The following BRINP3 variants were observed in gnomAD, a reference collection of about 807,000 sequenced individuals.
BRINP3 encodes the protein BMP/retinoic acid-inducible neural-specific protein 3.
Under a neutral mutation model 71.0 loss-of-function variants are expected in BRINP3, and 19 were observed. The observed-to-expected ratio is 0.27, with a 90% CI of 0.19 to 0.39. The LOEUF is 0.39. Among genes scored for constraint, BRINP3 ranks in the 10% least tolerant of loss-of-function variants. The pLI, the probability that BRINP3 is intolerant of heterozygous loss-of-function variation, is 1.00. For missense variants in BRINP3, 959 were observed against 940.8 expected, an observed-to-expected ratio of 1.02 and a Z score of -0.25; for synonymous variants, 380 against 337.7, an observed-to-expected ratio of 1.13 and a Z score of -1.37.
Position 190,098,928 on chromosome 1 carries a change from T to A in BRINP3, c.1391A>T (p.Asn464Ile), listed in dbSNP as rs769195192. The change falls in exon 8 of 8, where the codon AAC becomes ATC. Residue 464 changes from asparagine to isoleucine, a missense_variant. Coordinates refer to ENST00000367462, the MANE Select transcript of BRINP3 (RefSeq NM_199051.3). ...CCCCTGGCTGAGCATGTAGCCGGTG[T>A]TGCAGGTGCCGCAGCGGGTGCGGTT... ...PDNRTRCGTC[N>I]TGYMLSQGLC... The A allele has an allele frequency of 7.7e-5, 124 of 1,614,044 alleles. No homozygotes were observed. The highest frequency in any genetic ancestry group is 1.0e-4 in the Non-Finnish European group (122 of 1,180,038).
At chr1:190,192,959 G>C (rs902871381) in intron 6 of BRINP3, among the ~76,000 whole-genome samples, 5 of 152,058 alleles carry the variant, frequency 3.3e-5, no homozygotes, top group Non-Finnish European at 5.9e-5. Context: ...TTTGGTGAGT[G>C]ATATAGTAAA....
intron 1 of BRINP3, among the ~76,000 whole-genome samples, chr1:190,462,586 A>G (rs1049780346): frequency 6.6e-6 from 1 of 152,146 alleles, no homozygotes. Context: ...AAAGAAAATG[A>G]TGATAAAATG....
At chr1:190,135,312 G>A (rs1415048969) in intron 7 of BRINP3, among the ~76,000 whole-genome samples, 6 of 151,948 alleles carry the variant, frequency 3.9e-5, no homozygotes, top group Non-Finnish European at 7.4e-5. Flanking sequence ...AATGTTTCTG[G>A]GAATATTCCC....
chr1:190,236,970 G>T (rs1228816284), intron 4 of BRINP3, among the ~76,000 whole-genome samples: 1 of 151,670 alleles, frequency 6.6e-6, no homozygotes, highest in African/African-American at 2.4e-5. Context: ...TCTTGGAAAA[G>T]GGAAGGTAAA....
At chr1:190,230,007 C>T (rs988699564) in intron 5 of BRINP3, among the ~76,000 whole-genome samples, 3 of 151,596 alleles carry the variant, frequency 2.0e-5, no homozygotes, top group African/African-American at 7.3e-5. Context: ...GGCTATTTTA[C>T]AAATAAAAAT....
chr1:190,444,517 A>T (rs1289624451), intron 2 of BRINP3, among the ~76,000 whole-genome samples: 2 of 151,398 alleles, frequency 1.3e-5, no homozygotes, highest in Non-Finnish European at 2.9e-5. Flanking sequence ...CTTTTTATTT[A>T]TTTATTTTTA....
intron 7 of BRINP3, among the ~76,000 whole-genome samples, chr1:190,120,774 T>C (rs1029348828): frequency 4.6e-5 from 7 of 152,134 alleles, no homozygotes; most frequent in Admixed American, 1.3e-4. Flanking sequence ...AGTGCTGGTA[T>C]TACAAGTGTG....
intron 7 of BRINP3, among the ~76,000 whole-genome samples, chr1:190,124,445 C>T (rs557770684): frequency 6.6e-6 from 1 of 152,018 alleles, no homozygotes. Flanking sequence ...CCTAAATGAT[C>T]CTGAGCTTTT....
At chr1:190,139,423 G>T (rs930570649) in intron 7 of BRINP3, among the ~76,000 whole-genome samples, 4 of 134,540 alleles carry the variant, frequency 3.0e-5, no homozygotes, top group South Asian at 4.6e-4. Context: ...CTGCACTCCA[G>T]CCTGGGTGAT....
At chr1:190,143,335 G>A (rs1655615538) in intron 7 of BRINP3, among the ~76,000 whole-genome samples, 1 of 152,090 alleles carries the variant, frequency 6.6e-6, no homozygotes, top group African/African-American at 2.4e-5. Flanking sequence ...AAGACAACAT[G>A]GAAACAGATG....
At chr1:190,437,771 T>TA (rs537847115) in intron 2 of BRINP3, among the ~76,000 whole-genome samples, 14 of 151,844 alleles carry the variant, frequency 9.2e-5, no homozygotes, top group Middle Eastern at 6.9e-3. Context: ...TAAATACTGT[T>TA]AAAAAAACTG....
chr1:190,349,946 A>T (rs1668266487), intron 2 of BRINP3, among the ~76,000 whole-genome samples: 1 of 152,112 alleles, frequency 6.6e-6, no homozygotes, highest in Non-Finnish European at 1.5e-5. Context: ...TTTTTAGTAC[A>T]GCACTTGTTC....
rs542232014 is a variant in BRINP3 at position 190,128,594 on chromosome 1, A to C, written c.1185-29460T>G. Reference sequence around the variant, plus strand: ...CTTAGAAGTCTGTCCAATATCTGACAAAAATGGTAGAATGAGATATAATTC... The same window carrying C: ...CTTAGAAGTCTGTCCAATATCTGACCAAAATGGTAGAATGAGATATAATTC... On this transcript the variant is annotated intron_variant, in intron 7 of 7. Coordinates refer to ENST00000367462, the MANE Select transcript of BRINP3 (RefSeq NM_199051.3). Among the ~76,000 whole-genome samples the C allele has an allele frequency of 3.3e-5, 5 of 151,900 alleles. No homozygotes were observed. The East Asian group carries it at 9.7e-4, about 29-fold the overall frequency.
At chr1:190,279,380 C>A (rs1662868517) in intron 3 of BRINP3, among the ~76,000 whole-genome samples, 1 of 151,802 alleles carries the variant, frequency 6.6e-6, no homozygotes, top group Admixed American at 6.6e-5. Flanking sequence ...AACATTTATA[C>A]TAACCTTTCT....
intron 2 of BRINP3, among the ~76,000 whole-genome samples, chr1:190,388,063 C>T (rs1253028703): frequency 6.6e-6 from 1 of 151,674 alleles, no homozygotes; most frequent in African/African-American, 2.4e-5. Flanking sequence ...AAATATAAGC[C>T]ATTCCCCAGG....
At chr1:190,264,598 C>T (rs903064240) in intron 4 of BRINP3, among the ~76,000 whole-genome samples, 2 of 152,020 alleles carry the variant, frequency 1.3e-5, no homozygotes, top group Non-Finnish European at 2.9e-5. Context: ...AGTCTGTGTA[C>T]CCCAAGATAA....
intron 2 of BRINP3, among the ~76,000 whole-genome samples, chr1:190,299,499 T>A (rs565543167): frequency 4.3e-4 from 65 of 151,820 alleles, no homozygotes; most frequent in African/African-American, 1.5e-3. Flanking sequence ...TAGTTACATA[T>A]GTATCCATGT....
intron 2 of BRINP3, among the ~76,000 whole-genome samples, chr1:190,398,436 G>C (rs1242868797): frequency 6.6e-6 from 1 of 151,752 alleles, no homozygotes; most frequent in African/African-American, 2.4e-5. Flanking sequence ...ATTTTATAGG[G>C]GATTTACTTC....
chr1:190,225,614 C>G (rs1558082830), intron 6 of BRINP3, among the ~76,000 whole-genome samples: 1 of 151,778 alleles, frequency 6.6e-6, no homozygotes, highest in Non-Finnish European at 1.5e-5. Flanking sequence ...ACAATCATAA[C>G]AAAACTCACA....
Sources: allele counts gnomAD v4.1 joint callset (sites outside exome capture counted in the v4.1 genomes callset), GRCh38; gene constraint gnomAD v4.1.1; transcripts MANE v1.5; gene names NCBI Gene and HGNC (gene_info 2026-07-23, HGNC 2026-07-21).